Variants in PDE7B observed in about 807,000 individuals in gnomAD.
The protein encoded by PDE7B is 3',5'-cyclic-AMP phosphodiesterase 7B.
In PDE7B, 29 loss-of-function variants were observed where a neutral mutation model predicts 56.2. The observed-to-expected ratio is 0.52, with a 90% CI of 0.38 to 0.70. PDE7B has a LOEUF of 0.70. Among genes scored for constraint, PDE7B ranks in the 30% least tolerant of loss-of-function variants. The pLI, the probability that PDE7B is intolerant of heterozygous loss-of-function variation, is 0.00. For missense variants in PDE7B, 490 were observed against 565.0 expected, an observed-to-expected ratio of 0.87 and a Z score of 1.35; for synonymous variants, 197 against 196.9, an observed-to-expected ratio of 1.00 and a Z score of 0.00.
chr6:136,047,592 A>G (rs867539708), intron 2 of PDE7B: 6 of 152,236 alleles, frequency 3.9e-5, no homozygotes, highest in Non-Finnish European at 7.3e-5. Flanking sequence ...ATTGTTAGAA[A>G]CATACTAGGA....
intron 1 of PDE7B, among the ~76,000 whole-genome samples, chr6:135,908,088 C>CTTT (rs11359781): frequency 2.1e-5 from 3 of 144,834 alleles, no homozygotes; most frequent in Non-Finnish European, 4.6e-5. Context: ...TTGTCAACTG[C>CTTT]TTTTTTTTTT....
At chr6:136,039,616 C>T (rs1192259342) in intron 2 of PDE7B, among the ~76,000 whole-genome samples, 1 of 151,938 alleles carries the variant, frequency 6.6e-6, no homozygotes, top group Non-Finnish European at 1.5e-5. Context: ...GAAGTTAATA[C>T]TCTGGGAAAA....
intron 3 of PDE7B, among the ~76,000 whole-genome samples, chr6:136,131,098 G>C (rs1331063838): frequency 1.3e-5 from 2 of 152,110 alleles, no homozygotes; most frequent in Non-Finnish European, 2.9e-5. Flanking sequence ...CAGAGCAGGT[G>C]TTCAATGGAT....
At chr6:136,021,343 C>G (rs937653655) in intron 2 of PDE7B, among the ~76,000 whole-genome samples, 22 of 152,168 alleles carry the variant, frequency 1.4e-4, no homozygotes, top group Non-Finnish European at 2.4e-4. Flanking sequence ...TCTAAAAATC[C>G]TACCTGCAAA....
chr6:136,011,214 T>C (rs535674137), intron 2 of PDE7B, among the ~76,000 whole-genome samples: 2 of 152,344 alleles, frequency 1.3e-5, no homozygotes, highest in South Asian at 4.1e-4. Context: ...CCTTTCCCTT[T>C]CTTTATAGCA....
intron 2 of PDE7B, among the ~76,000 whole-genome samples, chr6:136,001,940 C>A (rs1775674908): frequency 6.6e-6 from 1 of 152,018 alleles, no homozygotes; most frequent in African/African-American, 2.4e-5. Context: ...ATGTTAAGGG[C>A]AGCCAGAGAG....
intron 3 of PDE7B, among the ~76,000 whole-genome samples, chr6:136,138,851 A>G (rs1256644918): frequency 6.6e-6 from 1 of 152,086 alleles, no homozygotes; most frequent in African/African-American, 2.4e-5. Context: ...TCATTCAAAA[A>G]CTTTGAACAT....
chr6:136,173,973 G>A (rs900766278), intron 9 of PDE7B, 85 bp downstream of exon 9: 13 of 908,818 alleles, frequency 1.4e-5, no homozygotes, highest in East Asian at 4.9e-5. Flanking sequence ...GACCTTTTGC[G>A]TGAATGGCAG....
chr6:136,122,882 C>T (rs565082389), intron 3 of PDE7B, among the ~76,000 whole-genome samples: 1 of 152,254 alleles, frequency 6.6e-6, no homozygotes, highest in East Asian at 1.9e-4. Context: ...CAGGCAGCTC[C>T]CATCACCCTC....
chr6:135,952,552 A>G (rs1774720886), intron 2 of PDE7B, among the ~76,000 whole-genome samples: 1 of 152,112 alleles, frequency 6.6e-6, no homozygotes, highest in Non-Finnish European at 1.5e-5. Context: ...TGTATGCAAC[A>G]CCAACTCGAC....
intron 2 of PDE7B, among the ~76,000 whole-genome samples, chr6:136,055,292 C>T (rs1194960692): frequency 1.3e-5 from 2 of 152,206 alleles, no homozygotes; most frequent in Non-Finnish European, 2.9e-5. Flanking sequence ...ATGATGTACT[C>T]TAACTTCTGT....
chr6:136,018,176 G>A (rs2128207811), intron 2 of PDE7B, among the ~76,000 whole-genome samples: 1 of 152,268 alleles, frequency 6.6e-6, no homozygotes, highest in East Asian at 1.9e-4. Context: ...CAGCATGATT[G>A]GCAGGATGGA....
At chr6:136,037,322 A>C (rs1583841059) in intron 2 of PDE7B, 1 of 665,564 alleles carries the variant, frequency 1.5e-6, no homozygotes, top group African/African-American at 1.9e-5. Flanking sequence ...CATCTTTCGG[A>C]GTTAACTGTG....
intron 2 of PDE7B, among the ~76,000 whole-genome samples, chr6:136,072,349 A>G (rs566933733): frequency 6.6e-6 from 1 of 152,206 alleles, no homozygotes; most frequent in Non-Finnish European, 1.5e-5. Context: ...GGCATAGCTG[A>G]TACTTTAATT....
At chr6:135,923,982 A>G (rs1408902292) in intron 1 of PDE7B, among the ~76,000 whole-genome samples, 1 of 152,190 alleles carries the variant, frequency 6.6e-6, no homozygotes, top group African/African-American at 2.4e-5. Flanking sequence ...TAATCTAAGA[A>G]ATCTAATGAA....
intron 3 of PDE7B, among the ~76,000 whole-genome samples, chr6:136,123,979 A>T (rs1364760374): frequency 6.6e-6 from 1 of 152,206 alleles, no homozygotes; most frequent in African/African-American, 2.4e-5. Context: ...AAATTAAGAC[A>T]TGTCACCATA....
intron 1 of PDE7B, among the ~76,000 whole-genome samples, chr6:135,935,186 T>TTTTA (rs1404954510): frequency 7.8e-5 from 3 of 38,424 alleles, no homozygotes; most frequent in East Asian, 2.1e-3. Context: ...ATATATATAT[T>TTTTA]TATTTATATA....
chr6:135,894,650 A>G lies in PDE7B; in HGVS notation c.21+42631A>G, dbSNP rs190937706. Among the ~76,000 whole-genome samples, 102 of 152,262 alleles carry G rather than the reference A, an allele frequency of 6.7e-4. 1 individual carries two copies. Among genetic ancestry groups the G allele is most frequent in the African/African-American group, 2.2e-3 (91 of 41,568 alleles). The stretch of plus-strand genomic sequence containing the variant: ...ACACATGCCAAATTGCATTATTCCA[A>G]TGAGCTCTGCACAATTAACCTGTCC... On this transcript the variant is annotated intron_variant, in intron 1 of 12. Coordinates refer to ENST00000308191, the MANE Select transcript of PDE7B (RefSeq NM_018945.4).
Position 136,080,925 on chromosome 6 carries a change from T to C in PDE7B, c.83-27806T>C, listed in dbSNP as rs575455585. Among the ~76,000 whole-genome samples the C allele has an allele frequency of 3.9e-5, 6 of 152,260 alleles. No individual in the cohort carries two copies. In the South Asian group the frequency reaches 1.0e-3, roughly 26 times the overall value. ...GAGGGGAATGTGGTCTGGGAAAGCT[T>C]CCTTCAGGAGAAGATACTTGAACTG... On this transcript the variant is annotated intron_variant, in intron 2 of 12. Coordinates refer to ENST00000308191, the MANE Select transcript of PDE7B (RefSeq NM_018945.4).
Sources: allele counts gnomAD v4.1 joint callset (sites outside exome capture counted in the v4.1 genomes callset), GRCh38; gene constraint gnomAD v4.1.1; transcripts MANE v1.5; gene names NCBI Gene and HGNC (gene_info 2026-07-23, HGNC 2026-07-21).